The following GRIN2A variants were observed in gnomAD, a reference collection of about 807,000 sequenced individuals.
The protein encoded by GRIN2A is glutamate receptor ionotropic, NMDA 2A.
A neutral mutation model predicts 113.4 loss-of-function variants in GRIN2A; 22 were observed. The ratio of observed to expected loss-of-function variants is 0.19; its 90% CI spans 0.14 to 0.28. The LOEUF (loss-of-function observed/expected upper bound fraction) is 0.28, where lower values mean the gene tolerates loss of function less well. Ranked by LOEUF, GRIN2A falls within the 10% of genes least tolerant of loss-of-function variation. The pLI, the probability that GRIN2A is intolerant of heterozygous loss-of-function variation, is 1.00. For synonymous variants in GRIN2A, 827 were observed against 738.4 expected, an observed-to-expected ratio of 1.12 and a Z score of -1.94; for missense variants, 1,502 against 1,887.0, an observed-to-expected ratio of 0.80 and a Z score of 3.78.
intron 2 of GRIN2A, among the ~76,000 whole-genome samples, chr16:10,106,404 T>C (rs928598738): frequency 1.3e-5 from 2 of 151,854 alleles, no homozygotes; most frequent in African/African-American, 4.8e-5. Context: ...CTATTTAAAA[T>C]TGTTTTAATT....
intron 2 of GRIN2A, among the ~76,000 whole-genome samples, chr16:10,083,751 T>G (rs1312734676): frequency 6.6e-6 from 1 of 152,216 alleles, no homozygotes; most frequent in Non-Finnish European, 1.5e-5. Flanking sequence ...GAAGAGTCCT[T>G]AGATAGCCCC....
At chr16:9,934,146 T>G (rs2141617598) in intron 3 of GRIN2A, among the ~76,000 whole-genome samples, 1 of 152,366 alleles carries the variant, frequency 6.6e-6, no homozygotes, top group African/African-American at 2.4e-5. Flanking sequence ...CAGGTTTAGC[T>G]TTGTTCCCTA....
At chr16:9,896,639 T>A (rs1395227386) in intron 3 of GRIN2A, among the ~76,000 whole-genome samples, 1 of 152,184 alleles carries the variant, frequency 6.6e-6, no homozygotes. Context: ...TCAATGTTAA[T>A]ATTGTCTTTT....
chr16:9,914,676 G>C (rs1420444751), intron 3 of GRIN2A, among the ~76,000 whole-genome samples: 2 of 152,132 alleles, frequency 1.3e-5, no homozygotes, highest in Admixed American at 1.3e-4. Context: ...GGGGCTCCCA[G>C]ACCCAAAGCT....
chr16:9,873,316 A>C (rs1437215800), intron 4 of GRIN2A, among the ~76,000 whole-genome samples: 1 of 152,226 alleles, frequency 6.6e-6, no homozygotes, highest in Non-Finnish European at 1.5e-5. Context: ...GCATGTAACA[A>C]AATTACACTT....
intron 2 of GRIN2A, among the ~76,000 whole-genome samples, chr16:10,128,360 G>A (rs1054770970): frequency 2.0e-5 from 3 of 152,200 alleles, no homozygotes; most frequent in African/African-American, 7.2e-5. Context: ...TGTCAGAAAT[G>A]ATCGTTTTAT....
At position 9,761,748 on chromosome 16, in the gene GRIN2A, T is replaced by G. The variant is rs758664376; in HGVS notation, c.*1401A>C. 2 of 215,692 alleles carry G rather than the reference T, an allele frequency of 9.3e-6. No individual in the cohort carries two copies. The highest frequency in any genetic ancestry group is 1.9e-5 in the Non-Finnish European group (2 of 107,126). 13.4% of individuals were successfully genotyped at this position (215,692 alleles called of 1,614,324 possible). A position where few individuals can be genotyped will look rare whatever the true frequency, so the allele number is the denominator to read the frequency against. Reference sequence around the variant, plus strand: ...AAAATGGATATCATTTCATGTCATATATGCACAGGTTTGAGGAGAATAAGA... The same window carrying G: ...AAAATGGATATCATTTCATGTCATAGATGCACAGGTTTGAGGAGAATAAGA... On this transcript the variant is annotated 3_prime_UTR_variant, in exon 13 of 13. Coordinates refer to ENST00000330684, the MANE Select transcript of GRIN2A (RefSeq NM_001134407.3).
chr16:9,885,496 G>C (rs905858766), intron 4 of GRIN2A, among the ~76,000 whole-genome samples: 7 of 152,160 alleles, frequency 4.6e-5, no homozygotes, highest in African/African-American at 1.7e-4. Context: ...CTGGTGTTTG[G>C]CGTCTGTATA....
intron 3 of GRIN2A, among the ~76,000 whole-genome samples, chr16:9,929,365 T>G (rs917343255): frequency 1.3e-5 from 2 of 152,200 alleles, no homozygotes; most frequent in Non-Finnish European, 2.9e-5. Flanking sequence ...CTTTCCTCAT[T>G]TCTTCTGTTT....
Position 10,034,738 on chromosome 16 carries a change from A to G in GRIN2A, c.415-96187T>C, listed in dbSNP as rs562407887. Among the ~76,000 whole-genome samples, 7 of 152,002 alleles carry G rather than the reference A, an allele frequency of 4.6e-5. No individual in the cohort carries two copies. The East Asian group carries it at 1.4e-3, about 29-fold the overall frequency. ...CCTTGGCTTTCTTAAAGATTCCCCA[A>G]ATCTAGAGTTCTCCTGACATTGGTG... On this transcript the variant is annotated intron_variant, in intron 2 of 12. Coordinates refer to ENST00000330684, the MANE Select transcript of GRIN2A (RefSeq NM_001134407.3).
intron 2 of GRIN2A, among the ~76,000 whole-genome samples, chr16:10,160,753 C>T (rs929960140): frequency 1.3e-5 from 2 of 152,190 alleles, no homozygotes; most frequent in Non-Finnish European, 1.5e-5. Context: ...TGGACAAATG[C>T]TCAATCGAAC....
rs1199668602 is a variant in GRIN2A at position 9,928,957 on chromosome 16, A to T, written c.1007+9002T>A. Among the ~76,000 whole-genome samples, 3 of 152,248 alleles carry T rather than the reference A, an allele frequency of 2.0e-5. No homozygotes were observed. The East Asian group carries it at 5.8e-4, about 29-fold the overall frequency. On this transcript the variant is annotated intron_variant, in intron 3 of 12. Transcript: ENST00000330684. ...TGGAAGGCCTACTACGATGTCTATC[A>T]TGGAGCAAACACTGTGCAGACGCCC...
intron 2 of GRIN2A, among the ~76,000 whole-genome samples, chr16:10,056,732 A>C (rs1465238154): frequency 3.3e-5 from 5 of 152,176 alleles, no homozygotes. Context: ...CTACAAGCCA[A>C]AGAACGCCAA....
At chr16:9,970,725 G>C in intron 2 of GRIN2A, 3 of 948,574 alleles carry the variant, frequency 3.2e-6, no homozygotes, top group South Asian at 9.7e-5. Flanking sequence ...AATAAATAAA[G>C]CAGGCAGAGT....
intron 2 of GRIN2A, among the ~76,000 whole-genome samples, chr16:10,082,850 T>C (rs929583310): frequency 2.0e-5 from 3 of 152,224 alleles, no homozygotes; most frequent in African/African-American, 7.2e-5. Flanking sequence ...GATGAGAAAC[T>C]AGCACCAGAC....
intron 3 of GRIN2A, among the ~76,000 whole-genome samples, chr16:9,916,820 C>T (rs991581876): frequency 2.0e-5 from 3 of 152,158 alleles, no homozygotes; most frequent in African/African-American, 4.8e-5. Context: ...GGTCATTTAA[C>T]ATATGAAAGG....
chr16:9,881,737 A>G (rs1015446170), intron 4 of GRIN2A, among the ~76,000 whole-genome samples: 2 of 152,226 alleles, frequency 1.3e-5, no homozygotes, highest in African/African-American at 4.8e-5. Flanking sequence ...ATGAGCTCTC[A>G]GTGCTAGCCG....
At position 9,763,682 on chromosome 16, in the gene GRIN2A, G is replaced by A. The variant is rs2141128987; in HGVS notation, c.3862C>T (p.Arg1288Cys). Residue 1288 changes from arginine to cysteine, a missense_variant, in exon 13 of 13, where the codon CGT becomes TGT. This residue lies in a region of GRIN2A where 832 missense variants were observed against 789.7 expected (regional missense o/e 1.05). Coordinates refer to ENST00000330684, the MANE Select transcript of GRIN2A (RefSeq NM_001134407.3). ...ACAATGTTATCGTAGGAATGCTGAC[G>A]GCTAATCCTTAGCTTGTTCTTTTGT... ...QLQKNKLRIS[R>C]QHSYDNIVDK... 3 of 1,613,840 alleles carry A rather than the reference G, an allele frequency of 1.9e-6. No homozygotes were observed. Among genetic ancestry groups the A allele is most frequent in the Non-Finnish European group, 2.5e-6 (3 of 1,179,962 alleles).
intron 3 of GRIN2A, among the ~76,000 whole-genome samples, chr16:9,892,445 G>C (rs902383892): frequency 1.4e-4 from 21 of 152,118 alleles, no homozygotes; most frequent in South Asian, 2.1e-4. Flanking sequence ...AAGAGAAGGA[G>C]GAAGAGAAAA....
Sources: allele counts gnomAD v4.1 joint callset (sites outside exome capture counted in the v4.1 genomes callset), GRCh38; gene constraint gnomAD v4.1.1; regional missense constraint gnomAD v4.1.1; transcripts MANE v1.5; gene names NCBI Gene and HGNC (gene_info 2026-07-23, HGNC 2026-07-21).